Variants in RBM46 observed in about 807,000 individuals in gnomAD.
The protein encoded by RBM46 is probable RNA-binding protein 46.
A neutral mutation model predicts 43.3 loss-of-function variants in RBM46; 12 were observed. That is an observed-to-expected ratio of 0.28 (90% CI 0.18 to 0.45). The LOEUF (loss-of-function observed/expected upper bound fraction) is 0.45. Among genes scored for constraint, RBM46 ranks in the 20% least tolerant of loss-of-function variants. The pLI, the probability that RBM46 is intolerant of heterozygous loss-of-function variation, is 1.00. For synonymous variants in RBM46, 205 were observed against 207.6 expected, an observed-to-expected ratio of 0.99 and a Z score of 0.11; for missense variants, 412 against 639.1, an observed-to-expected ratio of 0.64 and a Z score of 3.83.
intron 1 of RBM46, among the ~76,000 whole-genome samples, chr4:154,787,794 C>T (rs1380270369): frequency 1.3e-5 from 2 of 152,194 alleles, no homozygotes; most frequent in Non-Finnish European, 2.9e-5. Flanking sequence ...GTTTACAGTT[C>T]CACCAACAGT....
intron 4 of RBM46, among the ~76,000 whole-genome samples, chr4:154,812,991 T>A (rs960695516): frequency 2.0e-5 from 3 of 152,262 alleles, no homozygotes; most frequent in African/African-American, 7.2e-5. Context: ...AAAATTTTTC[T>A]TCCATCAGTG....
At chr4:154,803,177 A>G (rs760036663) in intron 4 of RBM46, among the ~76,000 whole-genome samples, 59 of 152,176 alleles carry the variant, frequency 3.9e-4, no homozygotes, top group Non-Finnish European at 7.9e-4. Flanking sequence ...ACAGGTCCTT[A>G]AAATCAATTT....
chr4:154,808,565 C>T lies in RBM46; in HGVS notation c.1402+9001C>T, dbSNP rs376907888. 2.2e-3 allele frequency among the ~76,000 whole-genome samples: 329 copies of T among 151,896 alleles called. 2 individuals are homozygous for T. Among genetic ancestry groups the T allele is most frequent in the Admixed American group, 3.0e-3 (45 of 15,248 alleles). On this transcript the variant is annotated intron_variant, in intron 4 of 4. Transcript: ENST00000281722. Reference sequence around the variant, plus strand: ...GCAGCATATGTGCCATGTATGTGGACGGCTTTTTTTTTCCTGCTGCTGCCC... The same window carrying T: ...GCAGCATATGTGCCATGTATGTGGATGGCTTTTTTTTTCCTGCTGCTGCCC...
At chr4:154,803,538 T>G (rs1734741535) in intron 4 of RBM46, among the ~76,000 whole-genome samples, 1 of 151,124 alleles carries the variant, frequency 6.6e-6, no homozygotes, top group African/African-American at 2.4e-5. Flanking sequence ...CCGTCTCTAC[T>G]AAAAATACAA....
At chr4:154,784,027 G>A (rs935188929) in intron 1 of RBM46, among the ~76,000 whole-genome samples, 14 of 152,228 alleles carry the variant, frequency 9.2e-5, no homozygotes, top group Non-Finnish European at 1.5e-4. Flanking sequence ...CATTGACCTG[G>A]CAACCATGGT....
At chr4:154,825,163 T>C (rs1455495800) in intron 4 of RBM46, among the ~76,000 whole-genome samples, 6 of 152,058 alleles carry the variant, frequency 3.9e-5, no homozygotes. Flanking sequence ...AACAGTGGGA[T>C]TGAAGAGCTA....
intron 4 of RBM46, among the ~76,000 whole-genome samples, chr4:154,819,670 T>C (rs1278369888): frequency 6.6e-6 from 1 of 152,216 alleles, no homozygotes; most frequent in Non-Finnish European, 1.5e-5. Flanking sequence ...TAGATGGTTA[T>C]TTTTATATCT....
chr4:154,800,384 T>C (rs1734576313), intron 4 of RBM46, among the ~76,000 whole-genome samples: 1 of 152,206 alleles, frequency 6.6e-6, no homozygotes, highest in Non-Finnish European at 1.5e-5. Flanking sequence ...TTATCACTCA[T>C]GAAAGACAAA....
intron 4 of RBM46, among the ~76,000 whole-genome samples, chr4:154,819,895 G>C (rs970058017): frequency 2.0e-5 from 3 of 152,006 alleles, no homozygotes; most frequent in Non-Finnish European, 4.4e-5. Context: ...TTTAAGTTTA[G>C]TATTATTTTG....
chr4:154,800,507 T>A (rs1275329099), intron 4 of RBM46, among the ~76,000 whole-genome samples: 1 of 152,248 alleles, frequency 6.6e-6, no homozygotes. Flanking sequence ...TGCAAAAGCA[T>A]AGAAAGATAT....
intron 4 of RBM46, chr4:154,820,226 T>A (rs911398597): frequency 6.8e-6 from 3 of 442,330 alleles, no homozygotes; most frequent in African/African-American, 4.1e-5. Context: ...GCCCCTTACT[T>A]CTTTTTCTCT....
rs892339422 is a variant in RBM46, at chr4:154,798,247, T to C, written c.588T>C (p.Ala196=). ...TTGTGGAATATGAATCTCACAGAGC[T>C]GCTGCTATGGCAAGGAGGAAACTAA... ...FAFVEYESHR[A]AAMARRKLIP... is the part of the protein sequence containing the mutation. The change falls in exon 3 of 5, where the codon GCT becomes GCC. Residue 196 remains alanine (A), a synonymous_variant. Transcript: ENST00000281722. The C allele has an allele frequency of 6.3e-7, 1 of 1,597,956 alleles. No homozygotes were observed. The highest frequency in any genetic ancestry group is 8.5e-7 in the Non-Finnish European group (1 of 1,174,144).
intron 4 of RBM46, among the ~76,000 whole-genome samples, chr4:154,814,100 G>A (rs759724086): frequency 2.6e-4 from 40 of 151,922 alleles, no homozygotes; most frequent in Non-Finnish European, 4.3e-4. Flanking sequence ...AGCCTACTTA[G>A]ATTTTTACTT....
intron 4 of RBM46, among the ~76,000 whole-genome samples, chr4:154,821,399 T>G (rs1735716427): frequency 6.6e-6 from 1 of 151,780 alleles, no homozygotes; most frequent in African/African-American, 2.4e-5. Flanking sequence ...CTACAACTTT[T>G]TTTTTAACCT....
intron 4 of RBM46, chr4:154,826,694 A>G (rs1409380056): frequency 2.2e-6 from 2 of 894,650 alleles, no homozygotes; most frequent in Admixed American, 2.5e-5. Flanking sequence ...TTAGAGTTTT[A>G]TAATGCTGGA....
intron 4 of RBM46, among the ~76,000 whole-genome samples, chr4:154,811,883 G>A (rs1011885787): frequency 6.6e-6 from 1 of 152,024 alleles, no homozygotes; most frequent in Admixed American, 6.6e-5. Context: ...GTTTCCCTGT[G>A]TTGGCCAGGC....
At chr4:154,783,251 A>G (rs11942104) in intron 1 of RBM46, among the ~76,000 whole-genome samples, 15,812 of 152,210 alleles carry the variant, frequency 0.1, 1,729 homozygotes, top group African/African-American at 0.27. Context: ...GTACTTGAAT[A>G]TTATTGCCAA....
rs372638696 is a variant in RBM46, at chr4:154,819,688, TA to T, written c.1403-8179del. ...ATGGTTATTTTTATATCTAGTTTTC[TA>T]TAGGTTATCAGAAATTTTTCATTTG... On this transcript the variant is annotated intron_variant, in intron 4 of 4. Coordinates refer to ENST00000281722, the MANE Select transcript of RBM46 (RefSeq NM_144979.5). 3.0e-4 allele frequency among the ~76,000 whole-genome samples: 45 copies of T among 152,292 alleles called. 3 individuals carry two copies. The East Asian group carries it at 4.8e-3, about 16-fold the overall frequency.
chr4:154,803,702 C>CAAAA (rs35506499), intron 4 of RBM46, among the ~76,000 whole-genome samples: 20 of 41,312 alleles, frequency 4.8e-4, no homozygotes, highest in East Asian at 8.6e-4. Flanking sequence ...GACTACGTCT[C>CAAAA]AAAAAAAAAA....
Sources: gnomAD v4.1 joint callset for allele counts (sites outside exome capture counted in the v4.1 genomes callset) on GRCh38, gnomAD v4.1.1 for gene constraint, MANE v1.5 for transcripts, NCBI Gene and HGNC (gene_info 2026-07-23, HGNC 2026-07-21) for gene names.